Variants in CCDC60 observed in about 807,000 individuals in gnomAD.
The protein encoded by CCDC60 is coiled-coil domain containing 60.
In CCDC60, 54 loss-of-function variants were observed where a neutral mutation model predicts 63.5. The observed-to-expected ratio is 0.85, with a 90% confidence interval of 0.68 to 1.07. CCDC60 has a LOEUF of 1.07. Ranked by LOEUF, CCDC60 falls within the 50% of genes least tolerant of loss-of-function variation. The pLI is 0.00. For missense variants in CCDC60, 651 were observed against 684.3 expected, an observed-to-expected ratio of 0.95 and a Z score of 0.54; for synonymous variants, 206 against 238.8, an observed-to-expected ratio of 0.86 and a Z score of 1.27.
chr12:119,365,691 C>T (rs1222918335), intron 1 of CCDC60, among the ~76,000 whole-genome samples: 1 of 152,220 alleles, frequency 6.6e-6, no homozygotes, highest in African/African-American at 2.4e-5. Flanking sequence ...GAGCAAAGAA[C>T]GCTGCCTGAA....
At chr12:119,476,383 A>C (rs147670644) in intron 3 of CCDC60, among the ~76,000 whole-genome samples, 6 of 152,358 alleles carry the variant, frequency 3.9e-5, no homozygotes, top group African/African-American at 1.4e-4. Flanking sequence ...TTGAGCCAGT[A>C]AGAAAAGGTC....
At chr12:119,349,227 A>C (rs2136151392) in intron 1 of CCDC60, among the ~76,000 whole-genome samples, 1 of 152,124 alleles carries the variant, frequency 6.6e-6, no homozygotes, top group East Asian at 1.9e-4. Flanking sequence ...AGGAAGGAAA[A>C]CCACCCACTT....
Position 119,335,214 on chromosome 12 carries a change from C to T in CCDC60, c.38C>T (p.Ser13Phe). 6.2e-7 allele frequency: 1 copy of T among 1,607,160 alleles called. No individual in the cohort carries two copies. The highest frequency in any genetic ancestry group is 8.5e-7 in the Non-Finnish European group (1 of 1,177,124). ...CCAGCCACCAAGAAGCTTCAGAGTT[C>T]CCCCAACTCGGGGGCTGTCCGGCCC... ...KVPATKKLQSSPNSGAVRPFY... is the reference protein window; with the variant it reads ...KVPATKKLQSFPNSGAVRPFY... Residue 13 changes from serine to phenylalanine, a missense_variant, in exon 1 of 14, where the codon TCC (serine) becomes TTC (phenylalanine). Ser to Phe is a radical substitution (Grantham distance 155). Transcript: ENST00000327554.
chr12:119,439,666 C>T (rs1566010375), intron 2 of CCDC60, among the ~76,000 whole-genome samples: 1 of 152,198 alleles, frequency 6.6e-6, no homozygotes, highest in Non-Finnish European at 1.5e-5. Flanking sequence ...ACCTGTCCTA[C>T]AAAATGCACC....
At chr12:119,478,271 C>A (rs574069649) in intron 3 of CCDC60, among the ~76,000 whole-genome samples, 1 of 151,918 alleles carries the variant, frequency 6.6e-6, no homozygotes, top group African/African-American at 2.4e-5. Flanking sequence ...GCCAAGATCA[C>A]GCCACTGCAC....
chr12:119,371,230 T>C (rs1955894999), intron 1 of CCDC60, among the ~76,000 whole-genome samples: 1 of 152,024 alleles, frequency 6.6e-6, no homozygotes, highest in Non-Finnish European at 1.5e-5. Flanking sequence ...ACATTGTGTC[T>C]CCATCAGCAA....
intron 9 of CCDC60, among the ~76,000 whole-genome samples, chr12:119,521,094 C>T (rs953841142): frequency 2.0e-5 from 3 of 152,160 alleles, no homozygotes; most frequent in African/African-American, 7.2e-5. Flanking sequence ...ATCTAGATTG[C>T]TATATTACAA....
intron 5 of CCDC60, among the ~76,000 whole-genome samples, chr12:119,495,184 C>T (rs914598486): frequency 6.6e-5 from 10 of 152,114 alleles, no homozygotes; most frequent in Non-Finnish European, 1.5e-4. Context: ...GATTCGAACC[C>T]AGGTAACCTT....
At chr12:119,387,630 T>C (rs545958535) in intron 1 of CCDC60, among the ~76,000 whole-genome samples, 1 of 152,336 alleles carries the variant, frequency 6.6e-6, no homozygotes, top group South Asian at 2.1e-4. Context: ...ACACATTTTA[T>C]TTTAAGGATT....
intron 4 of CCDC60, among the ~76,000 whole-genome samples, chr12:119,479,956 C>T (rs1359156167): frequency 6.7e-6 from 1 of 149,948 alleles, no homozygotes; most frequent in Non-Finnish European, 1.5e-5. Flanking sequence ...ACCAAATGTC[C>T]CCTGGGAGCA....
Position 119,459,802 on chromosome 12 carries a change from C to T in CCDC60, c.171-12192C>T, listed in dbSNP as rs140582198. 2.3e-3 allele frequency among the ~76,000 whole-genome samples: 357 copies of T among 152,290 alleles called. 1 individual carries two copies. Among genetic ancestry groups the T allele is most frequent in the South Asian group, 0.02 (94 of 4,816 alleles). On this transcript the variant is annotated intron_variant, in intron 2 of 13. Coordinates refer to ENST00000327554, the MANE Select transcript of CCDC60 (RefSeq NM_178499.5). ...TCTTGGACCCAACCAATTAGCATTC[C>T]CCATTCTTAAGCCCCTGCCCACCAA...
intron 1 of CCDC60, among the ~76,000 whole-genome samples, chr12:119,371,681 C>T (rs775824390): frequency 2.6e-5 from 4 of 152,324 alleles, no homozygotes; most frequent in South Asian, 2.1e-4. Context: ...AGCATCCATC[C>T]AGTTCTCCAG....
intron 1 of CCDC60, among the ~76,000 whole-genome samples, chr12:119,396,229 A>T (rs1956252585): frequency 1.3e-5 from 2 of 152,130 alleles, no homozygotes; most frequent in African/African-American, 2.4e-5. Flanking sequence ...TGAGCCACCA[A>T]ACCTGGCCTT....
chr12:119,481,403 G>C (rs145668403), intron 4 of CCDC60, among the ~76,000 whole-genome samples: 441 of 152,236 alleles, frequency 2.9e-3, no homozygotes, highest in Non-Finnish European at 4.7e-3. Context: ...GTCTGGGGGT[G>C]GGGGAGAGCA....
chr12:119,386,501 G>GA (rs56754949), intron 1 of CCDC60, among the ~76,000 whole-genome samples: 70 of 142,742 alleles, frequency 4.9e-4, no homozygotes, highest in African/African-American at 7.2e-4. Flanking sequence ...TCCACTCTAA[G>GA]AAAAAAAAAA....
intron 2 of CCDC60, among the ~76,000 whole-genome samples, chr12:119,446,350 G>A (rs1016885325): frequency 1.3e-5 from 2 of 152,196 alleles, no homozygotes; most frequent in African/African-American, 4.8e-5. Context: ...AGGATTGGGT[G>A]GAGATGGGAG....
chr12:119,497,324 AT>A (rs930225540), intron 5 of CCDC60, among the ~76,000 whole-genome samples: 7 of 152,108 alleles, frequency 4.6e-5, no homozygotes, highest in African/African-American at 1.4e-4. Context: ...AGGTGGTTTT[AT>A]TTTTTTCTTC....
intron 6 of CCDC60, among the ~76,000 whole-genome samples, chr12:119,501,394 G>A (rs751520618): frequency 2.0e-5 from 3 of 152,170 alleles, no homozygotes; most frequent in Non-Finnish European, 4.4e-5. Context: ...GGCTCAGAGA[G>A]GTTAAGTAAC....
rs937394065 is a variant in CCDC60, at chr12:119,524,366, T to C, written c.1229+548T>C. On this transcript the variant is annotated intron_variant, in intron 11 of 13. Coordinates refer to ENST00000327554, the MANE Select transcript of CCDC60 (RefSeq NM_178499.5). Reference sequence around the variant, plus strand: ...TGAAAGTTTTTCTTCCCTGTTCTGATAACCCAATAACTTCTGCCCTTTCTA... The same window carrying C: ...TGAAAGTTTTTCTTCCCTGTTCTGACAACCCAATAACTTCTGCCCTTTCTA... 55 of 778,416 alleles carry C rather than the reference T, an allele frequency of 7.1e-5. 1 individual carries two copies. Among genetic ancestry groups the C allele is most frequent in the Non-Finnish European group, 8.4e-5 (54 of 641,214 alleles). 48.2% of individuals were successfully genotyped at this position (778,416 alleles called of 1,614,324 possible).
Sources: gnomAD v4.1 joint callset for allele counts (sites outside exome capture counted in the v4.1 genomes callset) on GRCh38, gnomAD v4.1.1 for gene constraint, MANE v1.5 for transcripts, NCBI Gene and HGNC (gene_info 2026-07-23, HGNC 2026-07-21) for gene names.